The following OOSP1 variants were observed in gnomAD, a reference collection of about 807,000 sequenced individuals.
OOSP1 encodes putative oocyte-secreted protein 1 homolog.
In OOSP1, 11 loss-of-function variants were observed where a neutral mutation model predicts 5.7. The observed-to-expected ratio is 1.94, with a 90% CI of 1.22 to 3.20. OOSP1 has a LOEUF of 3.20. Among genes scored for constraint, OOSP1 ranks in the 30% most tolerant of loss-of-function variants. The pLI, the probability that OOSP1 is intolerant of heterozygous loss-of-function variation, is 0.00. For synonymous variants in OOSP1, 44 were observed against 20.0 expected (o/e 2.20, Z -3.20); for missense variants, 83 against 54.1 (o/e 1.53, Z -1.67).
At chr11:59,945,336 C>T (rs1853869938) in intron 3 of OOSP1, 70 bp downstream of exon 3, 2 of 702,156 alleles carry the variant, frequency 2.8e-6, no homozygotes, top group Admixed American at 2.0e-5. Flanking sequence ...AAATGCCAAA[C>T]CTGAAAGGTT....
rs369451446 is a variant in OOSP1 at position 59,947,609 on chromosome 11, G to A, written c.357-124G>A. ...GTGGGGTGTGTTGGGGAGTGGTGGCGGGAAGCAGAAATCAATACATCTACT... is the reference window on the plus strand; with the variant it reads ...GTGGGGTGTGTTGGGGAGTGGTGGCAGGAAGCAGAAATCAATACATCTACT... On this transcript the variant is annotated intron_variant, in intron 3 of 4. Transcript: ENST00000646685. The A allele has an allele frequency of 4.3e-4, 168 of 392,916 alleles. No homozygotes were observed. The East Asian group carries it at 4.6e-3, about 11-fold the overall frequency. 24.3% of individuals were successfully genotyped at this position (392,916 alleles called of 1,614,324 possible). A position where few individuals can be genotyped will look rare whatever the true frequency, so the allele number is the denominator to read the frequency against.
intron 3 of OOSP1, among the ~76,000 whole-genome samples, chr11:59,946,479 G>C (rs1247740239): frequency 6.6e-6 from 1 of 152,204 alleles, no homozygotes; most frequent in African/African-American, 2.4e-5. Context: ...TGGGGACACA[G>C]ATTCCAAACC....
chr11:59,953,394 T>C (rs56162497), intron 4 of OOSP1, among the ~76,000 whole-genome samples: 8,969 of 152,180 alleles, frequency 0.059, 371 homozygotes, highest in Non-Finnish European at 0.085. Context: ...TATATATTTT[T>C]TCTCTCTAGG....
chr11:59,941,745 G>A (rs1853828965), intron 1 of OOSP1, among the ~76,000 whole-genome samples: 1 of 152,094 alleles, frequency 6.6e-6, no homozygotes, highest in East Asian at 1.9e-4. Context: ...GAGTTTAATT[G>A]TTGAGTCATA....
chr11:59,949,588 A>C (rs766993282), intron 4 of OOSP1, among the ~76,000 whole-genome samples: 42 of 152,188 alleles, frequency 2.8e-4, no homozygotes, highest in Non-Finnish European at 5.6e-4. Context: ...AGGGAAAGTC[A>C]TACAGGTGAG....
At chr11:59,944,170 A>G (rs1185134488) in intron 2 of OOSP1, among the ~76,000 whole-genome samples, 1 of 152,060 alleles carries the variant, frequency 6.6e-6, no homozygotes, top group Non-Finnish European at 1.5e-5. Flanking sequence ...GGGTGTGGCC[A>G]GGGGTAAGAC....
chr11:59,943,947 T>A (rs1853856555), intron 2 of OOSP1, among the ~76,000 whole-genome samples: 2 of 152,224 alleles, frequency 1.3e-5, no homozygotes, highest in Admixed American at 6.5e-5. Flanking sequence ...TTAGATAAAT[T>A]CCACAGATTG....
chr11:59,945,616 G>A (rs963826219), intron 3 of OOSP1, among the ~76,000 whole-genome samples: 2 of 151,478 alleles, frequency 1.3e-5, no homozygotes, highest in African/African-American at 2.4e-5. Flanking sequence ...TGGGCATGGT[G>A]GGGGGTTGCC....
At chr11:59,949,183 T>C (rs1487746484) in intron 4 of OOSP1, among the ~76,000 whole-genome samples, 1 of 152,156 alleles carries the variant, frequency 6.6e-6, no homozygotes, top group Non-Finnish European at 1.5e-5. Flanking sequence ...CTGGTAACAG[T>C]GCCTAATCAT....
intron 3 of OOSP1, among the ~76,000 whole-genome samples, chr11:59,947,446 G>GA (rs1157502775): frequency 1.3e-5 from 2 of 152,102 alleles, no homozygotes; most frequent in Admixed American, 6.6e-5. Flanking sequence ...TTCAGGATGA[G>GA]AAAATTGAAA....
intron 2 of OOSP1, 151 bp from the exon 3 acceptor site, chr11:59,945,018 G>A (rs572125918): frequency 4.3e-5 from 26 of 601,644 alleles, no homozygotes; most frequent in South Asian, 4.0e-4. Flanking sequence ...AAATGGTCCT[G>A]TTTCCTGTGA....
intron 4 of OOSP1, among the ~76,000 whole-genome samples, chr11:59,956,937 C>A (rs1351430012): frequency 6.6e-6 from 1 of 151,924 alleles, no homozygotes; most frequent in Non-Finnish European, 1.5e-5. Flanking sequence ...ATAACAGTTT[C>A]TTTATCCACT....
chr11:59,953,147 G>A (rs1321128630), intron 4 of OOSP1, among the ~76,000 whole-genome samples: 1 of 152,082 alleles, frequency 6.6e-6, no homozygotes, highest in Non-Finnish European at 1.5e-5. Context: ...CTTCGTCTTA[G>A]GAACTACTTC....
intron 4 of OOSP1, among the ~76,000 whole-genome samples, chr11:59,956,948 C>G (rs909457675): frequency 1.3e-5 from 2 of 152,010 alleles, no homozygotes; most frequent in African/African-American, 4.8e-5. Context: ...TTTATCCACT[C>G]GTTGATTGAT....
intron 1 of OOSP1, among the ~76,000 whole-genome samples, chr11:59,939,201 T>TCCTC (rs1159860336): frequency 1.3e-5 from 2 of 151,036 alleles, no homozygotes; most frequent in African/African-American, 4.9e-5. Context: ...CCTCGTTCCC[T>TCCTC]CCTCCCTCCC....
intron 4 of OOSP1, among the ~76,000 whole-genome samples, chr11:59,956,524 AT>A: frequency 6.6e-6 from 1 of 152,192 alleles, no homozygotes; most frequent in South Asian, 2.1e-4. Context: ...ATTTGTTTAC[AT>A]TCCTCTTGTT....
At chr11:59,943,967 G>A (rs1853856760) in intron 2 of OOSP1, among the ~76,000 whole-genome samples, 1 of 152,166 alleles carries the variant, frequency 6.6e-6, no homozygotes, top group Non-Finnish European at 1.5e-5. Context: ...GGGTAACACA[G>A]AAAGCAAAAG....
chr11:59,945,694 T>A (rs1428431467), intron 3 of OOSP1, among the ~76,000 whole-genome samples: 7 of 128,564 alleles, frequency 5.4e-5, no homozygotes, highest in Non-Finnish European at 7.7e-5. Context: ...GAGCTTGCAG[T>A]GAGCTGAAAT....
At chr11:59,947,922 G>A (rs879125445) in intron 4 of OOSP1, 60 bp downstream of exon 4, 1 of 397,864 alleles carries the variant, frequency 2.5e-6, no homozygotes, top group Admixed American at 4.4e-5. Context: ...CTAGATACCA[G>A]TCAATACAAT....
Sources: gnomAD v4.1 joint callset for allele counts (sites outside exome capture counted in the v4.1 genomes callset) on GRCh38, gnomAD v4.1.1 for gene constraint, MANE v1.5 for transcripts, NCBI Gene and HGNC (gene_info 2026-07-23, HGNC 2026-07-21) for gene names.